The following PRKDC variants were observed in gnomAD, a reference collection of about 807,000 sequenced individuals.
PRKDC encodes protein kinase, DNA-activated, catalytic subunit, also known as DNA-dependent protein kinase catalytic subunit.
In PRKDC, 82 loss-of-function variants were observed where a neutral mutation model predicts 486.9. The observed-to-expected ratio is 0.17, with a 90% confidence interval of 0.14 to 0.20. The LOEUF is 0.20. PRKDC is among the 10% of genes least tolerant of loss of function. The pLI is 1.00. For synonymous variants in PRKDC, 1,895 were observed against 1,837.0 expected, an observed-to-expected ratio of 1.03 and a Z score of -0.81; for missense variants, 4,504 against 5,038.2, an observed-to-expected ratio of 0.89 and a Z score of 3.21.
In PRKDC at chr8:47,821,825, A is replaced by G. The variant is rs563378125; in HGVS notation, c.8923-33T>C. The stretch of plus-strand genomic sequence containing the variant: ...AGAAAAGTTAATAAAATTATTTTAC[A>G]AAGTTGGAAAGAATACCAATGAGAA... On this transcript the variant is annotated intron_variant, in intron 64 of 85. Coordinates refer to ENST00000314191, the MANE Select transcript of PRKDC (RefSeq NM_006904.7). 39 of 1,491,126 alleles carry G rather than the reference A, an allele frequency of 2.6e-5. No homozygotes were observed. In the East Asian group the frequency reaches 8.2e-4, roughly 31 times the overall value. 92.4% of individuals were successfully genotyped at this position (1,491,126 alleles called of 1,614,324 possible).
In PRKDC at chr8:47,959,678, C is replaced by CA. The variant is rs999049740; in HGVS notation, c.154+294dup. 5.8e-3 allele frequency among the ~76,000 whole-genome samples: 781 copies of CA among 135,074 alleles called. 3 individuals carry two copies. Among genetic ancestry groups the CA allele is most frequent in the Non-Finnish European group, 6.5e-3 (407 of 62,230 alleles). 88.6% of individuals were successfully genotyped at this position (135,074 alleles called of 152,430 possible). A position where few individuals can be genotyped will look rare whatever the true frequency, so the allele number is the denominator to read the frequency against. ...TGGGCGACAGAGCGAGACTCCGTCTCAAAAAAAAAAAAAATTATTTCTCTT... is the reference window on the plus strand; with the variant it reads ...TGGGCGACAGAGCGAGACTCCGTCTCAAAAAAAAAAAAAAATTATTTCTCTT... On this transcript the variant is annotated intron_variant, in intron 1 of 85. Transcript: ENST00000314191.
chr8:47,785,424 C>A, intron 76 of PRKDC, 107 bp from the exon 77 acceptor site: 1 of 900,572 alleles, frequency 1.1e-6, no homozygotes, highest in South Asian at 1.6e-5. Context: ...GTATATGTTT[C>A]TTCTCTGCTT....
At chr8:47,947,941 A>T (rs1329793818) in intron 7 of PRKDC, among the ~76,000 whole-genome samples, 1 of 151,632 alleles carries the variant, frequency 6.6e-6, no homozygotes, top group African/African-American at 2.4e-5. Context: ...TTAGCAGGAC[A>T]TGGTGGCATG....
rs7819424 is a variant in PRKDC, at chr8:47,862,644, C to T, written c.5751-103G>A. ...GGACCTAATGCCATTCAGCCTTTCT[C>T]GAGGGTCAGGCTTGTGCCAGGCAGA... On this transcript the variant is annotated intron_variant, in intron 42 of 85. Coordinates refer to ENST00000314191, the MANE Select transcript of PRKDC (RefSeq NM_006904.7). 6.5e-3 allele frequency: 7,706 copies of T among 1,179,710 alleles called. 320 individuals are homozygous for T. In the African/African-American group the frequency reaches 0.095, roughly 15 times the overall value. 73.1% of individuals were successfully genotyped at this position (1,179,710 alleles called of 1,614,324 possible).
intron 60 of PRKDC, among the ~76,000 whole-genome samples, chr8:47,831,065 G>A (rs921262301): frequency 5.3e-5 from 8 of 152,196 alleles, no homozygotes; most frequent in Non-Finnish European, 7.3e-5. Context: ...GCCGGCAGCC[G>A]GTCCCCACTT....
At chr8:47,851,011 T>C (rs2154500258) in intron 52 of PRKDC, among the ~76,000 whole-genome samples, 1 of 152,314 alleles carries the variant, frequency 6.6e-6, no homozygotes, top group East Asian at 1.9e-4. Context: ...GGTTTCACTA[T>C]GTTGGCCAGG....
intron 30 of PRKDC, among the ~76,000 whole-genome samples, chr8:47,893,901 T>C (rs773778139): frequency 2.5e-4 from 38 of 152,220 alleles, no homozygotes; most frequent in Non-Finnish European, 4.9e-4. Context: ...CTGCATTTTG[T>C]ATGCTCTGAA....
intron 38 of PRKDC, 26 bp from the exon 39 acceptor site, chr8:47,879,684 A>G (rs2089168418): frequency 1.4e-5 from 21 of 1,505,192 alleles, no homozygotes; most frequent in Non-Finnish European, 1.9e-5. Context: ...GACATAAGAA[A>G]CTGCACGAAT....
At chr8:47,841,569 G>A (rs1482475720) in intron 54 of PRKDC, among the ~76,000 whole-genome samples, 3 of 152,204 alleles carry the variant, frequency 2.0e-5, no homozygotes, top group Non-Finnish European at 4.4e-5. Flanking sequence ...CAAAGCTGTG[G>A]GCCTGGTCTC....
intron 11 of PRKDC, 43 bp downstream of exon 11, chr8:47,939,508 C>T: frequency 6.3e-7 from 1 of 1,581,142 alleles, no homozygotes; most frequent in South Asian, 1.1e-5. Context: ...TTTAAACAAT[C>T]ACGTGAAACC....
Position 47,837,388 on chromosome 8 carries a change from T to A in PRKDC, c.7585A>T (p.Thr2529Ser). 6.2e-7 allele frequency: 1 copy of A among 1,611,562 alleles called. No individual in the cohort carries two copies. The change falls in exon 57 of 86, where the codon ACT becomes TCT. Residue 2529 changes from threonine (T) to serine (S), a missense_variant. Around this residue, in one of 6 missense-constraint regions of PRKDC, gnomAD observed 1,592 missense variants for 1,724.6 expected, o/e 0.92. Coordinates refer to ENST00000314191, the MANE Select transcript of PRKDC (RefSeq NM_006904.7). The part of the protein sequence containing the change: ...LIIRNFWSHE[T>S]RLPSNTLDRL... ...TCCAAGGTATTTGAAGGTAACCTAGTTTCATGGCTCCAGAAATTTCGAATA... is the reference window on the plus strand; with the variant it reads ...TCCAAGGTATTTGAAGGTAACCTAGATTCATGGCTCCAGAAATTTCGAATA...
intron 29 of PRKDC, among the ~76,000 whole-genome samples, chr8:47,897,528 G>C (rs1250675377): frequency 6.6e-6 from 1 of 152,200 alleles, no homozygotes; most frequent in Admixed American, 6.5e-5. Context: ...AAATTAAAAA[G>C]TTCTCCTTAA....
chr8:47,879,107 C>A lies in PRKDC; in HGVS notation c.5235+384G>T, dbSNP rs8178115. 4.6e-4 allele frequency among the ~76,000 whole-genome samples: 70 copies of A among 152,270 alleles called. 3 individuals carry two copies. In the South Asian group the frequency reaches 0.014, roughly 31 times the overall value. On this transcript the variant is annotated intron_variant, in intron 39 of 85. Transcript: ENST00000314191. ...TTTCTTAGCTTCTTTTGGTATTACT[C>A]TTCATAACTTACATATATTTTACAC...
chr8:47,929,439 C>A (rs375509261), intron 18 of PRKDC, among the ~76,000 whole-genome samples: 1 of 152,310 alleles, frequency 6.6e-6, no homozygotes, highest in African/African-American at 2.4e-5. Context: ...TGTAATTACC[C>A]AGGTGGGCTC....
intron 36 of PRKDC, among the ~76,000 whole-genome samples, chr8:47,882,370 T>C (rs2089238586): frequency 6.6e-6 from 1 of 152,094 alleles, no homozygotes; most frequent in Non-Finnish European, 1.5e-5. Context: ...AGGAGTCAGC[T>C]CTCTTCTGTC....
At position 47,789,017 on chromosome 8, in the gene PRKDC, T is replaced by C; in HGVS notation, c.10791A>G (p.Ala3597=). ...TGTTTTTTTTATTTACAGGGGTTTT[T>C]GCTAGTTCAGCTCTTACATCATTGC... ...DWSNDVRAEL[A]KTPVNKKNIE... is the part of the protein sequence containing the mutation. Residue 3597 remains alanine, a synonymous_variant, in exon 76 of 86, where the codon GCA becomes GCG. Coordinates refer to ENST00000314191, the MANE Select transcript of PRKDC (RefSeq NM_006904.7). The C allele has an allele frequency of 4.3e-6, 7 of 1,613,462 alleles. No individual in the cohort carries two copies. Among genetic ancestry groups the C allele is most frequent in the Non-Finnish European group, 5.9e-6 (7 of 1,179,676 alleles).
At chr8:47,930,883 G>T in intron 16 of PRKDC, 96 bp from the exon 17 acceptor site, 1 of 1,196,912 alleles carries the variant, frequency 8.4e-7, no homozygotes, top group Non-Finnish European at 1.2e-6. Context: ...AAGGCCTGAT[G>T]CTACGAAGAA....
rs565737827 is a variant in PRKDC, at chr8:47,913,521, C to T, written c.2781+380G>A. The stretch of plus-strand genomic sequence containing the variant: ...AAACGATTCTCCTGCCTCAGCCTAC[C>T]GAGTAGCTGAGACTACACTCGCATG... On this transcript the variant is annotated intron_variant, in intron 24 of 85. Coordinates refer to ENST00000314191, the MANE Select transcript of PRKDC (RefSeq NM_006904.7). Among the ~76,000 whole-genome samples the T allele has an allele frequency of 4.3e-3, 662 of 152,208 alleles. 3 individuals are homozygous for T. The highest frequency in any genetic ancestry group is 7.7e-3 in the Non-Finnish European group (526 of 68,006).
chr8:47,833,254 T>C (rs902859449), intron 59 of PRKDC, among the ~76,000 whole-genome samples: 1 of 152,242 alleles, frequency 6.6e-6, no homozygotes, highest in Admixed American at 6.5e-5. Context: ...GCAAGTTTTG[T>C]TGCCTGTGTT....
Sources: gnomAD v4.1 joint callset for allele counts (sites outside exome capture counted in the v4.1 genomes callset) on GRCh38, gnomAD v4.1.1 for gene constraint, gnomAD v4.1.1 regional missense constraint, MANE v1.5 for transcripts, NCBI Gene and HGNC (gene_info 2026-07-23, HGNC 2026-07-21) for gene names.